The following LPAR1 variants were observed in gnomAD, a reference collection of about 807,000 sequenced individuals.
The protein encoded by LPAR1 is lysophosphatidic acid receptor 1, also known as LPA receptor 1.
In LPAR1, 5 loss-of-function variants were observed where a neutral mutation model predicts 23.8. The observed-to-expected ratio is 0.21, with a 90% CI of 0.11 to 0.44. The LOEUF (loss-of-function observed/expected upper bound fraction) is 0.44, where lower values mean the gene tolerates loss of function less well. LPAR1 is among the 20% of genes least tolerant of loss of function. The pLI is 0.99. For missense variants in LPAR1, 311 were observed against 482.8 expected (o/e 0.64, Z 3.33); for synonymous variants, 160 against 164.7 (o/e 0.97, Z 0.22).
At chr9:110,974,893 T>A (rs1179757267) in intron 2 of LPAR1, among the ~76,000 whole-genome samples, 2 of 152,188 alleles carry the variant, frequency 1.3e-5, no homozygotes, top group East Asian at 3.9e-4. Context: ...ACTGAACTTA[T>A]TCCTGGCACT....
intron 2 of LPAR1, among the ~76,000 whole-genome samples, chr9:111,026,394 C>T (rs1436593341): frequency 6.6e-6 from 1 of 152,192 alleles, no homozygotes; most frequent in Non-Finnish European, 1.5e-5. Flanking sequence ...TGAGGCTTTG[C>T]TGAAGTTGCT....
intron 2 of LPAR1, among the ~76,000 whole-genome samples, chr9:110,979,903 T>C (rs550645288): frequency 3.2e-4 from 49 of 152,132 alleles, no homozygotes; most frequent in African/African-American, 1.1e-3. Context: ...AAGTAGTATA[T>C]CAAGAGGAGA....
intron 5 of LPAR1, among the ~76,000 whole-genome samples, chr9:110,901,369 T>C (rs1041926611): frequency 1.4e-4 from 22 of 152,138 alleles, no homozygotes; most frequent in African/African-American, 5.1e-4. Flanking sequence ...TTGAAGCCCA[T>C]AGAGGCAGCA....
At chr9:111,000,799 CG>C (rs2097113056) in intron 2 of LPAR1, among the ~76,000 whole-genome samples, 1 of 152,144 alleles carries the variant, frequency 6.6e-6, no homozygotes, top group Non-Finnish European at 1.5e-5. Context: ...ACAAAAATTA[CG>C]AAGTGGAAGG....
At chr9:110,963,333 G>A (rs2096071675) in intron 4 of LPAR1, among the ~76,000 whole-genome samples, 1 of 152,118 alleles carries the variant, frequency 6.6e-6, no homozygotes, top group South Asian at 2.1e-4. Flanking sequence ...TTGCAATATG[G>A]GAACAAATTT....
At chr9:111,027,531 GA>G (rs924467371) in intron 2 of LPAR1, among the ~76,000 whole-genome samples, 1 of 139,688 alleles carries the variant, frequency 7.2e-6, no homozygotes, top group African/African-American at 2.6e-5. Flanking sequence ...ATATTTTGGG[GA>G]AACAGCAGAA....
At chr9:110,957,424 G>C (rs998725055) in intron 4 of LPAR1, among the ~76,000 whole-genome samples, 1 of 151,556 alleles carries the variant, frequency 6.6e-6, no homozygotes, top group Non-Finnish European at 1.5e-5. Flanking sequence ...TGGATGCAAT[G>C]ATGGTTCAAC....
chr9:110,950,615 T>C lies in LPAR1; in HGVS notation c.46-8447A>G, dbSNP rs139481829. Among the ~76,000 whole-genome samples, 338 of 152,250 alleles carry C rather than the reference T, an allele frequency of 2.2e-3. 3 individuals are homozygous for C. Among genetic ancestry groups the C allele is most frequent in the African/African-American group, 7.5e-3 (312 of 41,560 alleles). ...TTTCTGAATTAATCATCAAGCCATA[T>C]GAATCAACTGCTCCTATAAAAATAC... On this transcript the variant is annotated intron_variant, in intron 4 of 5. Transcript: ENST00000683809.
intron 4 of LPAR1, chr9:110,945,228 T>C (rs1185080321): frequency 6.6e-6 from 1 of 152,166 alleles, no homozygotes; most frequent in East Asian, 1.9e-4. Context: ...CCGACAGACT[T>C]AGGCAGAAAA....
intron 2 of LPAR1, among the ~76,000 whole-genome samples, chr9:111,023,594 A>G (rs1483493726): frequency 6.6e-6 from 1 of 151,948 alleles, no homozygotes; most frequent in African/African-American, 2.4e-5. Flanking sequence ...TGCTTTACTC[A>G]TCACTCTATT....
intron 5 of LPAR1, among the ~76,000 whole-genome samples, chr9:110,891,791 G>C (rs77555565): frequency 0.018 from 2,690 of 152,232 alleles, 31 homozygotes; most frequent in Non-Finnish European, 0.028. Flanking sequence ...ATGAAAAGGC[G>C]ATCAGCTTCA....
intron 2 of LPAR1, among the ~76,000 whole-genome samples, chr9:111,013,804 C>T (rs1300702627): frequency 6.6e-6 from 1 of 152,104 alleles, no homozygotes; most frequent in African/African-American, 2.4e-5. Context: ...TTCCCTCTTG[C>T]AAACAACTCA....
At chr9:110,929,981 C>G (rs1682996492) in intron 5 of LPAR1, among the ~76,000 whole-genome samples, 1 of 152,052 alleles carries the variant, frequency 6.6e-6, no homozygotes, top group Admixed American at 6.5e-5. Context: ...TATACATTTC[C>G]AGATGAAACA....
intron 2 of LPAR1, among the ~76,000 whole-genome samples, chr9:110,988,976 C>T (rs1280701115): frequency 6.6e-6 from 1 of 152,062 alleles, no homozygotes; most frequent in Non-Finnish European, 1.5e-5. Context: ...AAGAAAGATA[C>T]ATACTACAAC....
chr9:110,878,897 T>C (rs2079892852), intron 5 of LPAR1, among the ~76,000 whole-genome samples: 2 of 152,084 alleles, frequency 1.3e-5, no homozygotes, highest in African/African-American at 4.8e-5. Flanking sequence ...GGACTTGCAG[T>C]TGGGTATGAA....
intron 2 of LPAR1, among the ~76,000 whole-genome samples, chr9:110,987,068 T>C (rs868596575): frequency 2.6e-5 from 4 of 152,044 alleles, no homozygotes; most frequent in Non-Finnish European, 5.9e-5. Flanking sequence ...TCCATCAAGA[T>C]CCTAAAAAGT....
chr9:110,883,664 C>G (rs1475837706), intron 5 of LPAR1, among the ~76,000 whole-genome samples: 1 of 151,046 alleles, frequency 6.6e-6, no homozygotes, highest in East Asian at 1.9e-4. Context: ...TTTTGTTTTC[C>G]CTTGAACTTC....
At chr9:110,964,853 C>CTTTTT (rs35426082) in intron 4 of LPAR1, among the ~76,000 whole-genome samples, 4 of 67,072 alleles carry the variant, frequency 6.0e-5, no homozygotes, top group African/African-American at 1.2e-4. Context: ...ACACCAATCA[C>CTTTTT]TTTTTTTTTT....
chr9:110,942,233 G>C (rs2095152493), intron 4 of LPAR1, 65 bp from the exon 5 acceptor site: 4 of 1,395,472 alleles, frequency 2.9e-6, no homozygotes, highest in East Asian at 4.6e-5. Context: ...AGCTTATATA[G>C]ATAACACAAG....
Sources: allele counts gnomAD v4.1 joint callset (sites outside exome capture counted in the v4.1 genomes callset), GRCh38; gene constraint gnomAD v4.1.1; transcripts MANE v1.5; gene names NCBI Gene and HGNC (gene_info 2026-07-23, HGNC 2026-07-21).